Variants in TLL1 observed in about 807,000 individuals in gnomAD.
TLL1 encodes the protein tolloid like 1.
A neutral mutation model predicts 128.2 loss-of-function variants in TLL1; 49 were observed. That is an observed-to-expected ratio of 0.38 (90% CI 0.30 to 0.48). The LOEUF is 0.48. Among genes scored for constraint, TLL1 ranks in the 20% least tolerant of loss-of-function variants. TLL1 has a pLI of 0.96. For missense variants in TLL1, 1,123 were observed against 1,242.0 expected, an observed-to-expected ratio of 0.90 and a Z score of 1.44; for synonymous variants, 454 against 418.8, an observed-to-expected ratio of 1.08 and a Z score of -1.03.
intron 5 of TLL1, among the ~76,000 whole-genome samples, chr4:166,001,946 A>G (rs1330254817): frequency 6.6e-6 from 1 of 152,190 alleles, no homozygotes; most frequent in Non-Finnish European, 1.5e-5. Flanking sequence ...AATCTCAATT[A>G]TTAGACTGCT....
In TLL1 at chr4:166,051,122, CTTTA is replaced by C. The variant is rs759968545; in HGVS notation, c.1525-3947_1525-3944del. Among the ~76,000 whole-genome samples, 11 of 152,240 alleles carry C rather than the reference CTTTA, an allele frequency of 7.2e-5. No homozygotes were observed. The South Asian group carries it at 1.2e-3, about 17-fold the overall frequency. ...AAAGTGTGTAAGAAATCGGCATCATCTTTATTTATTATATGTTTATTGTGTGTTT... is the reference window on the plus strand; with the variant it reads ...AAAGTGTGTAAGAAATCGGCATCATCTTTATTATATGTTTATTGTGTGTTT... On this transcript the variant is annotated intron_variant, in intron 12 of 20. Transcript: ENST00000061240.
intron 17 of TLL1, among the ~76,000 whole-genome samples, chr4:166,075,928 A>G (rs1169744147): frequency 6.6e-6 from 1 of 152,190 alleles, no homozygotes; most frequent in Non-Finnish European, 1.5e-5. Flanking sequence ...AGCTAATTAC[A>G]TTGTGCAGAA....
chr4:165,886,320 A>T (rs1458038190), intron 1 of TLL1, among the ~76,000 whole-genome samples: 1 of 152,182 alleles, frequency 6.6e-6, no homozygotes, highest in Non-Finnish European at 1.5e-5. Context: ...TCTATGAAAC[A>T]TGTAATGATT....
chr4:165,885,348 G>A (rs1335184349), intron 1 of TLL1, among the ~76,000 whole-genome samples: 1 of 152,060 alleles, frequency 6.6e-6, no homozygotes, highest in Admixed American at 6.6e-5. Flanking sequence ...GTGGTACCAA[G>A]AAGTTGCAGT....
In TLL1 at chr4:166,089,416, C is replaced by T. The variant is rs1017439440; in HGVS notation, c.2443-1712C>T. Among the ~76,000 whole-genome samples the T allele has an allele frequency of 3.9e-5, 6 of 152,116 alleles. No individual in the cohort carries two copies. In the East Asian group the frequency reaches 1.2e-3, roughly 29 times the overall value. On this transcript the variant is annotated intron_variant, in intron 18 of 20. Coordinates refer to ENST00000061240, the MANE Select transcript of TLL1 (RefSeq NM_012464.5). ...CATACTTGAGGTTGGCCATAAACGT[C>T]AGCTAGGTTTTTGGGTAAATACATT...
At chr4:165,953,936 A>G (rs1243230771) in intron 1 of TLL1, among the ~76,000 whole-genome samples, 1 of 152,102 alleles carries the variant, frequency 6.6e-6, no homozygotes, top group African/African-American at 2.4e-5. Context: ...TTACTTTTCA[A>G]AAGTGATCTT....
At chr4:166,086,900 G>A (rs977942646) in intron 18 of TLL1, among the ~76,000 whole-genome samples, 3 of 152,108 alleles carry the variant, frequency 2.0e-5, no homozygotes, top group Non-Finnish European at 4.4e-5. Flanking sequence ...TTATGCGTGT[G>A]TGTGTTTATT....
intron 1 of TLL1, among the ~76,000 whole-genome samples, chr4:165,940,323 A>G (rs1733948410): frequency 6.6e-6 from 1 of 152,002 alleles, no homozygotes; most frequent in African/African-American, 2.4e-5. Context: ...TTTCCATTCC[A>G]TCACTGCTGC....
In TLL1 at chr4:166,067,613, C is replaced by T. The variant is rs1318422007; in HGVS notation, c.2188+1750C>T. On this transcript the variant is annotated intron_variant, in intron 16 of 20. Coordinates refer to ENST00000061240, the MANE Select transcript of TLL1 (RefSeq NM_012464.5). ...TGTAAATCATGTTCACTGATGCATA[C>T]TTAGAACATGGATGATTTCAGAAAA... Among the ~76,000 whole-genome samples, 3 of 151,612 alleles carry T rather than the reference C, an allele frequency of 2.0e-5. No homozygotes were observed. In the East Asian group the frequency reaches 5.8e-4, roughly 29 times the overall value.
intron 1 of TLL1, among the ~76,000 whole-genome samples, chr4:165,969,254 G>T (rs1388425127): frequency 6.6e-6 from 1 of 151,930 alleles, no homozygotes; most frequent in Non-Finnish European, 1.5e-5. Context: ...GTTTCCTGAT[G>T]GTTGACCAGA....
At chr4:165,984,471 C>T (rs768518178) in intron 1 of TLL1, among the ~76,000 whole-genome samples, 1 of 151,900 alleles carries the variant, frequency 6.6e-6, no homozygotes, top group African/African-American at 2.4e-5. Flanking sequence ...ACTTTTGAGA[C>T]TTCACTGTTG....
At chr4:165,994,281 A>T in intron 3 of TLL1, 100 bp from the exon 4 acceptor site, 10 of 1,436,216 alleles carry the variant, frequency 7.0e-6, no homozygotes, top group Non-Finnish European at 9.7e-6. Context: ...TTTATACAAA[A>T]AATATGTAAA....
At position 165,946,609 on chromosome 4, in the gene TLL1, G is replaced by A. The variant is rs562621644; in HGVS notation, c.170-42772G>A. On this transcript the variant is annotated intron_variant, in intron 1 of 20. Transcript: ENST00000061240. ...CCCATCTCATTCAACCAAAGTGCTC[G>A]AATTATAGGCGTGAGCCATGGTGCC... 2.4e-4 allele frequency among the ~76,000 whole-genome samples: 36 copies of A among 150,686 alleles called. No individual in the cohort carries two copies. In the South Asian group the frequency reaches 5.6e-3, roughly 24 times the overall value.
Position 165,873,775 on chromosome 4 carries a change from C to T in TLL1, c.-130C>T, listed in dbSNP as rs1467014764. The T allele has an allele frequency of 9.3e-6, 9 of 968,170 alleles. No homozygotes were observed. Among genetic ancestry groups the T allele is most frequent in the African/African-American group, 1.6e-5 (1 of 61,760 alleles). The allele number at this position is 968,170 out of a possible 1,614,324, so 60.0% of individuals were successfully genotyped here. A position where few individuals can be genotyped will look rare whatever the true frequency, so the allele number is the denominator to read the frequency against. On this transcript the variant is annotated 5_prime_UTR_variant, in exon 1 of 21. Transcript: ENST00000061240. ...ATCCACATGTTTCCGGACACCTGAG[C>T]ACCCCGGTCCCGCCGAGGAGCCTCC... is the stretch of plus-strand genomic sequence containing the variant.
intron 12 of TLL1, among the ~76,000 whole-genome samples, chr4:166,050,645 G>T (rs1317566002): frequency 6.6e-6 from 1 of 152,064 alleles, no homozygotes; most frequent in African/African-American, 2.4e-5. Context: ...TCAAATGAAG[G>T]CAAGCATGTG....
rs1560848174 is a variant in TLL1, at chr4:166,065,881, T to G, written c.2188+18T>G. ...TTTCTCAGGTATAAGCATTCACATG[T>G]TGTATGTGTATATTACAGATTTTCA... is the stretch of plus-strand genomic sequence containing the variant. On this transcript the variant is annotated intron_variant, in intron 16 of 20. Transcript: ENST00000061240. 6.2e-7 allele frequency: 1 copy of G among 1,609,724 alleles called. No homozygotes were observed. Among genetic ancestry groups the G allele is most frequent in the East Asian group, 2.2e-5 (1 of 44,766 alleles).
intron 1 of TLL1, among the ~76,000 whole-genome samples, chr4:165,921,566 G>C (rs1355689932): frequency 6.6e-6 from 1 of 152,000 alleles, no homozygotes; most frequent in Admixed American, 6.6e-5. Context: ...TATACCCCGG[G>C]GACCCTTCTT....
At chr4:165,922,639 C>A (rs776862408) in intron 1 of TLL1, among the ~76,000 whole-genome samples, 18 of 152,174 alleles carry the variant, frequency 1.2e-4, no homozygotes, top group Non-Finnish European at 2.2e-4. Flanking sequence ...TAAGTAATAT[C>A]AACTCAAAGA....
In TLL1 at chr4:165,963,939, A is replaced by T. The variant is rs192893536; in HGVS notation, c.170-25442A>T. ...AGCAATTACTGAAATAACATGTGTT[A>T]AACCATATCTTTATGAGAGGTGTGT... On this transcript the variant is annotated intron_variant, in intron 1 of 20. Coordinates refer to ENST00000061240, the MANE Select transcript of TLL1 (RefSeq NM_012464.5). Among the ~76,000 whole-genome samples the T allele has an allele frequency of 2.1e-4, 32 of 152,308 alleles. No homozygotes were observed. In the East Asian group the frequency reaches 6.0e-3, roughly 28 times the overall value.
Sources: gnomAD v4.1 joint callset for allele counts (sites outside exome capture counted in the v4.1 genomes callset) on GRCh38, gnomAD v4.1.1 for gene constraint, MANE v1.5 for transcripts, NCBI Gene and HGNC (gene_info 2026-07-23, HGNC 2026-07-21) for gene names.